Variants in SLC11A2 observed in about 807,000 individuals in gnomAD.
The protein encoded by SLC11A2 is solute carrier family 11 member 2, also known as natural resistance-associated macrophage protein 2.
SLC11A2 carries 38 observed loss-of-function variants against 68.0 expected under a neutral mutation model. The ratio of observed to expected loss-of-function variants is 0.56; its 90% CI spans 0.43 to 0.73. The LOEUF is 0.73. Among genes scored for constraint, SLC11A2 ranks in the 30% least tolerant of loss-of-function variants. The pLI is 0.00. For synonymous variants in SLC11A2, 242 were observed against 250.6 expected (o/e 0.97, Z 0.32); for missense variants, 517 against 690.5 (o/e 0.75, Z 2.82).
rs1476757231 is a variant in SLC11A2 at position 50,994,646 on chromosome 12, A to C, written c.991-16T>G. The stretch of plus-strand genomic sequence containing the variant: ...AGACTTCAACCTAGAACCCAAAGCA[A>C]TTCAACAGCAACTTTTGTTTCAGAA... On this transcript the variant is annotated splice_polypyrimidine_tract_variant and intron_variant, in intron 10 of 15. Coordinates refer to ENST00000262052, the MANE Select transcript of SLC11A2 (RefSeq NM_000617.3). 6.6e-7 allele frequency: 1 copy of C among 1,521,294 alleles called. No homozygotes were observed. Among genetic ancestry groups the C allele is most frequent in the Non-Finnish European group, 9.1e-7 (1 of 1,095,202 alleles). 94.2% of individuals were successfully genotyped at this position (1,521,294 alleles called of 1,614,324 possible). A position where few individuals can be genotyped will look rare whatever the true frequency, so the allele number is the denominator to read the frequency against.
the SLC11A2 span, among the ~76,000 whole-genome samples, chr12:50,958,316 C>T: frequency 7.0e-6 from 1 of 142,292 alleles, no homozygotes; most frequent in African/African-American, 2.7e-5. Context: ...GAGTCTTGCT[C>T]TGTTGCCCAG....
the SLC11A2 span, among the ~76,000 whole-genome samples, chr12:50,959,620 T>C: frequency 2.0e-5 from 3 of 152,030 alleles, no homozygotes; most frequent in African/African-American, 7.2e-5. Flanking sequence ...TTCCAGTATC[T>C]GGGTTTATTT....
chr12:51,025,301 T>G (rs1944307155), intron 1 of SLC11A2, among the ~76,000 whole-genome samples: 1 of 152,184 alleles, frequency 6.6e-6, no homozygotes, highest in Non-Finnish European at 1.5e-5. Context: ...CATCAAGAGT[T>G]CTAAGTACTT....
chr12:50,977,435 T>C (rs1039258086), downstream of SLC11A2, among the ~76,000 whole-genome samples: 49 of 152,068 alleles, frequency 3.2e-4, no homozygotes, highest in East Asian at 7.7e-4. Flanking sequence ...GGAAAACTGG[T>C]TAGCCATATG....
downstream of SLC11A2, among the ~76,000 whole-genome samples, chr12:50,985,101 A>C (rs1339121562): frequency 2.6e-5 from 4 of 152,218 alleles, no homozygotes; most frequent in Non-Finnish European, 5.9e-5. Context: ...ACAACTGTTC[A>C]GGCCAGGCCT....
At chr12:51,022,877 C>T (rs917513795) in intron 1 of SLC11A2, among the ~76,000 whole-genome samples, 3 of 152,056 alleles carry the variant, frequency 2.0e-5, no homozygotes, top group African/African-American at 7.2e-5. Flanking sequence ...CAATAAGCAC[C>T]AAAACAAGAC....
chr12:50,986,652 G>C lies in SLC11A2; in HGVS notation c.*1673C>G. The stretch of plus-strand genomic sequence containing the variant: ...GATGTCAGTCCCCAATATCTTCACA[G>C]AGTGCCTTTATGACCAGTTTGGAGA... On this transcript the variant is annotated 3_prime_UTR_variant, in exon 16 of 16. Coordinates refer to ENST00000262052, the MANE Select transcript of SLC11A2 (RefSeq NM_000617.3). The C allele has an allele frequency of 1.6e-6, 2 of 1,286,738 alleles. No homozygotes were observed. The highest frequency in any genetic ancestry group is 2.0e-6 in the Non-Finnish European group (2 of 988,438). The allele number at this position is 1,286,738 out of a possible 1,614,324, so 79.7% of individuals were successfully genotyped here. A position where few individuals can be genotyped will look rare whatever the true frequency, so the allele number is the denominator to read the frequency against.
intron 1 of SLC11A2, 71 bp downstream of exon 1, chr12:51,026,239 C>T: frequency 1.6e-6 from 2 of 1,229,296 alleles, no homozygotes; most frequent in Non-Finnish European, 2.1e-6. Flanking sequence ...GACACAGGCC[C>T]TCGAGCCGCC....
chr12:50,977,964 G>A (rs563358258), downstream of SLC11A2, among the ~76,000 whole-genome samples: 29 of 152,284 alleles, frequency 1.9e-4, no homozygotes, highest in African/African-American at 7.0e-4. Flanking sequence ...ACACCAGTTA[G>A]AATGGCGATC....
At chr12:51,025,918 C>A (rs1216362116) in intron 1 of SLC11A2, 2 of 989,688 alleles carry the variant, frequency 2.0e-6, no homozygotes, top group Non-Finnish European at 1.2e-6. Flanking sequence ...GAAGAGGCCA[C>A]GAAAGACCTT....
In SLC11A2 at chr12:50,988,049, G is replaced by A. The variant is rs143304230; in HGVS notation, c.*276C>T. Reference sequence around the variant, plus strand: ...GTCTCTCCGAAGGATAAACTGAGCTGGCCCTTGGGCAACTACTTAAGAATT... The same window carrying A: ...GTCTCTCCGAAGGATAAACTGAGCTAGCCCTTGGGCAACTACTTAAGAATT... On this transcript the variant is annotated 3_prime_UTR_variant, in exon 16 of 16. Coordinates refer to ENST00000262052, the MANE Select transcript of SLC11A2 (RefSeq NM_000617.3). The A allele has an allele frequency of 7.2e-7, 1 of 1,394,324 alleles. No individual in the cohort carries two copies. Among genetic ancestry groups the A allele is most frequent in the Non-Finnish European group, 9.4e-7 (1 of 1,058,396 alleles). The allele number at this position is 1,394,324 out of a possible 1,614,324, so 86.4% of individuals were successfully genotyped here.
intron 13 of SLC11A2, among the ~76,000 whole-genome samples, chr12:50,991,955 T>C (rs1389473111): frequency 6.6e-6 from 1 of 152,212 alleles, no homozygotes; most frequent in Non-Finnish European, 1.5e-5. Flanking sequence ...TGAACTACAA[T>C]TTTGTGTCCC....
chr12:51,016,231 T>C (rs1222933658), intron 1 of SLC11A2, among the ~76,000 whole-genome samples: 1 of 152,084 alleles, frequency 6.6e-6, no homozygotes, highest in African/African-American at 2.4e-5. Context: ...AGAAACCCCA[T>C]CTCTACAAAA....
chr12:50,987,783 T>A lies in SLC11A2; in HGVS notation c.*542A>T. 1 of 1,284,756 alleles carries A rather than the reference T, an allele frequency of 7.8e-7. No homozygotes were observed. The highest frequency in any genetic ancestry group is 1.0e-6 in the Non-Finnish European group (1 of 987,598). 79.6% of individuals were successfully genotyped at this position (1,284,756 alleles called of 1,614,324 possible). Reference sequence around the variant, plus strand: ...TAAGTTCAAAGAATCCTAAGCCTGATAGAGCTAGGTGTCTCTTCATTTTAT... The same window carrying A: ...TAAGTTCAAAGAATCCTAAGCCTGAAAGAGCTAGGTGTCTCTTCATTTTAT... On this transcript the variant is annotated 3_prime_UTR_variant, in exon 16 of 16. Transcript: ENST00000262052.
intron 1 of SLC11A2, among the ~76,000 whole-genome samples, chr12:51,024,162 G>A (rs1944229767): frequency 6.6e-6 from 1 of 152,100 alleles, no homozygotes; most frequent in Non-Finnish European, 1.5e-5. Context: ...AATGCTATGT[G>A]TATAAATAGC....
In SLC11A2 at chr12:50,987,462, C is replaced by T. The variant is rs1940703089; in HGVS notation, c.*863G>A. On this transcript the variant is annotated 3_prime_UTR_variant, in exon 16 of 16. Transcript: ENST00000262052. ...CCCCACCCTCAACATTTCACGAGAA[C>T]ATCAGTTCATAAATACTACCATCTG... is the stretch of plus-strand genomic sequence containing the variant. The T allele has an allele frequency of 1.6e-6, 2 of 1,287,174 alleles. No individual in the cohort carries two copies. Among genetic ancestry groups the T allele is most frequent in the Non-Finnish European group, 2.0e-6 (2 of 988,694 alleles). 79.7% of individuals were successfully genotyped at this position (1,287,174 alleles called of 1,614,324 possible).
chr12:50,983,955 G>A (rs1940300546), downstream of SLC11A2, among the ~76,000 whole-genome samples: 3 of 149,544 alleles, frequency 2.0e-5, no homozygotes, highest in African/African-American at 7.4e-5. Flanking sequence ...GCAACAGAGT[G>A]AGACTCCATC....
chr12:50,987,132 TC>T lies in SLC11A2; in HGVS notation c.*1192del. ...CTTTGTGCTGAAGACACCCATTTCC[TC>T]TGACTCCAGAGCTCCACCATCTGGT... On this transcript the variant is annotated 3_prime_UTR_variant, in exon 16 of 16. Transcript: ENST00000262052. The T allele has an allele frequency of 1.6e-6, 2 of 1,283,478 alleles. No individual in the cohort carries two copies. Among genetic ancestry groups the T allele is most frequent in the Non-Finnish European group, 2.0e-6 (2 of 986,982 alleles). The allele number at this position is 1,283,478 out of a possible 1,614,324, so 79.5% of individuals were successfully genotyped here. A position where few individuals can be genotyped will look rare whatever the true frequency, so the allele number is the denominator to read the frequency against.
chr12:51,007,550 G>A (rs1942830246), intron 3 of SLC11A2, among the ~76,000 whole-genome samples: 1 of 151,998 alleles, frequency 6.6e-6, no homozygotes, highest in Non-Finnish European at 1.5e-5. Context: ...AACCAAGCTG[G>A]TCTTGAACTC....
Sources: gnomAD v4.1 joint callset for allele counts (sites outside exome capture counted in the v4.1 genomes callset) on GRCh38, gnomAD v4.1.1 for gene constraint, MANE v1.5 for transcripts, NCBI Gene and HGNC (gene_info 2026-07-23, HGNC 2026-07-21) for gene names.